Variants in KLF12 observed in about 807,000 individuals in gnomAD.
KLF12 encodes the protein Krueppel-like factor 12.
KLF12 carries 9 observed loss-of-function variants against 37.8 expected under a neutral mutation model. The observed-to-expected ratio is 0.24, with a 90% CI of 0.14 to 0.42. The LOEUF is 0.42. Ranked by LOEUF, KLF12 falls within the 10% of genes least tolerant of loss-of-function variation. The pLI, the probability that KLF12 is intolerant of heterozygous loss-of-function variation, is 1.00. For missense variants in KLF12, 411 were observed against 516.0 expected (o/e 0.80, Z 1.97); for synonymous variants, 208 against 202.1 (o/e 1.03, Z -0.25).
chr13:73,767,423 A>G (rs1215501456), intron 5 of KLF12, among the ~76,000 whole-genome samples: 1 of 152,216 alleles, frequency 6.6e-6, no homozygotes, highest in Non-Finnish European at 1.5e-5. Flanking sequence ...CTGCTAAGCC[A>G]CTTTGTTCTG....
intron 2 of KLF12, among the ~76,000 whole-genome samples, chr13:73,954,340 T>C (rs1450862308): frequency 6.6e-6 from 1 of 152,228 alleles, no homozygotes; most frequent in African/African-American, 2.4e-5. Context: ...TTTAAATATT[T>C]AGTTAAAACT....
the KLF12 span, among the ~76,000 whole-genome samples, chr13:74,198,223 T>C: frequency 1.3e-5 from 2 of 152,116 alleles, no homozygotes; most frequent in African/African-American, 2.4e-5. Context: ...GGGAAAGAAG[T>C]GTCTCCTGGC....
At chr13:73,914,442 G>A (rs1265278661) in intron 3 of KLF12, among the ~76,000 whole-genome samples, 1 of 152,182 alleles carries the variant, frequency 6.6e-6, no homozygotes, top group Non-Finnish European at 1.5e-5. Context: ...TCTGAGAATA[G>A]TACACATAGC....
At chr13:74,246,490 A>T in the KLF12 span, among the ~76,000 whole-genome samples, 1 of 152,192 alleles carries the variant, frequency 6.6e-6, no homozygotes, top group Admixed American at 6.5e-5. Context: ...ATAAGGCAGC[A>T]TTTGCCTTTT....
At chr13:74,086,020 T>C (rs1158527196) in intron 1 of KLF12, among the ~76,000 whole-genome samples, 2 of 150,598 alleles carry the variant, frequency 1.3e-5, no homozygotes, top group East Asian at 1.9e-4. Flanking sequence ...TTATGAAAGA[T>C]ATATTGAGTT....
chr13:73,978,010 T>C lies in KLF12; in HGVS notation c.33+16980A>G, dbSNP rs921408360. Among the ~76,000 whole-genome samples the C allele has an allele frequency of 9.9e-5, 15 of 151,622 alleles. No homozygotes were observed. The East Asian group carries it at 2.9e-3, about 30-fold the overall frequency. On this transcript the variant is annotated intron_variant, in intron 2 of 7. Coordinates refer to ENST00000377669, the MANE Select transcript of KLF12 (RefSeq NM_007249.5). Reference sequence around the variant, plus strand: ...GACCTAAAAGTAAAATGTAAAACTCTAAAACCCTAGAAAACAACTTTAAGA... The same window carrying C: ...GACCTAAAAGTAAAATGTAAAACTCCAAAACCCTAGAAAACAACTTTAAGA...
At chr13:74,186,361 G>A in the KLF12 span, among the ~76,000 whole-genome samples, 1 of 152,202 alleles carries the variant, frequency 6.6e-6, no homozygotes, top group South Asian at 2.1e-4. Context: ...GTGTTTATAT[G>A]AGGCCGTGAA....
At chr13:74,181,288 G>A in the KLF12 span, among the ~76,000 whole-genome samples, 1 of 150,234 alleles carries the variant, frequency 6.7e-6, no homozygotes, top group Non-Finnish European at 1.5e-5. Context: ...GTGAGCCACT[G>A]CACCCTGCTG....
upstream of KLF12, among the ~76,000 whole-genome samples, chr13:74,134,002 G>A (rs926830150): frequency 2.0e-5 from 3 of 152,288 alleles, no homozygotes; most frequent in Middle Eastern, 3.4e-3. Flanking sequence ...AATGTAGGGT[G>A]GGCCGGTGGG....
chr13:74,007,885 G>GAA (rs199510691), intron 1 of KLF12, among the ~76,000 whole-genome samples: 3,326 of 142,044 alleles, frequency 0.023, 116 homozygotes, highest in African/African-American at 0.076. Context: ...CTGGTACATG[G>GAA]AAAAAAAAAA....
intron 3 of KLF12, among the ~76,000 whole-genome samples, chr13:73,873,711 T>C (rs1566430877): frequency 6.6e-6 from 1 of 152,188 alleles, no homozygotes; most frequent in East Asian, 1.9e-4. Context: ...TGTGTTTAAC[T>C]TCTGTTCCAG....
chr13:73,706,154 AAAAC>A (rs560684319), intron 7 of KLF12, among the ~76,000 whole-genome samples: 134 of 152,170 alleles, frequency 8.8e-4, no homozygotes, highest in African/African-American at 2.0e-3. Context: ...ACTCCATCTC[AAAAC>A]AAACAAACAA....
rs1447479816 is a variant in KLF12 at position 73,688,671 on chromosome 13, A to C, written c.*6819T>G. 6.6e-6 allele frequency: 1 copy of C among 152,228 alleles called. No individual in the cohort carries two copies. 9.4% of individuals were successfully genotyped at this position (152,228 alleles called of 1,614,324 possible). A position where few individuals can be genotyped will look rare whatever the true frequency, so the allele number is the denominator to read the frequency against. ...TATTGTTTGTTTATAATGATCCTTC[A>C]TGCATGATTTTCCGGGAAAGGCCTG... On this transcript the variant is annotated 3_prime_UTR_variant, in exon 8 of 8. Transcript: ENST00000377669.
At chr13:74,034,126 G>C (rs567030858) in intron 1 of KLF12, among the ~76,000 whole-genome samples, 3 of 152,216 alleles carry the variant, frequency 2.0e-5, no homozygotes, top group Admixed American at 6.5e-5. Flanking sequence ...GCAATGACGG[G>C]ATCTCAGCTC....
At chr13:74,296,844 G>A in the KLF12 span, among the ~76,000 whole-genome samples, 3 of 152,276 alleles carry the variant, frequency 2.0e-5, no homozygotes, top group Admixed American at 1.3e-4. Context: ...ACTGCTATTT[G>A]TAACAGACTG....
Position 73,807,852 on chromosome 13 carries a change from T to A in KLF12, c.806+5300A>T, listed in dbSNP as rs377262252. 5.9e-4 allele frequency among the ~76,000 whole-genome samples: 90 copies of A among 152,322 alleles called. 2 individuals are homozygous for A. The South Asian group carries it at 0.017, about 29-fold the overall frequency. On this transcript the variant is annotated intron_variant, in intron 5 of 7. Transcript: ENST00000377669. ...AATTATATCCACATCCTTTAGCTTG[T>A]TCCTAGTAAAACAGAAATTCCTCCA...
chr13:73,962,369 G>A (rs757001200), intron 2 of KLF12, among the ~76,000 whole-genome samples: 2 of 152,096 alleles, frequency 1.3e-5, no homozygotes, highest in Non-Finnish European at 2.9e-5. Context: ...AAGATTTCTA[G>A]AACAATAAAA....
chr13:74,006,860 C>A (rs555275653), intron 1 of KLF12, among the ~76,000 whole-genome samples: 2 of 152,186 alleles, frequency 1.3e-5, no homozygotes, highest in African/African-American at 4.8e-5. Flanking sequence ...CAAGTCTGAA[C>A]GATTGCTCAT....
chr13:73,913,193 T>C (rs1245238858), intron 3 of KLF12, among the ~76,000 whole-genome samples: 4 of 152,142 alleles, frequency 2.6e-5, no homozygotes, highest in Non-Finnish European at 4.4e-5. Context: ...ATAGACTACT[T>C]TTGTTTTGCA....
Sources: allele counts gnomAD v4.1 joint callset (sites outside exome capture counted in the v4.1 genomes callset), GRCh38; gene constraint gnomAD v4.1.1; transcripts MANE v1.5; gene names NCBI Gene and HGNC (gene_info 2026-07-23, HGNC 2026-07-21).